KDM1A: variants seen among roughly 807,000 people sequenced by gnomAD.
KDM1A encodes lysine-specific histone demethylase 1A.
In KDM1A, 49 loss-of-function variants were observed where a neutral mutation model predicts 109.4. That is an observed-to-expected ratio of 0.45 (90% CI 0.36 to 0.57). The LOEUF is 0.57. KDM1A is among the 20% of genes least tolerant of loss of function. The pLI is 0.00. For missense variants in KDM1A, 668 were observed against 1,116.6 expected, an observed-to-expected ratio of 0.60 and a Z score of 5.73; for synonymous variants, 380 against 415.4, an observed-to-expected ratio of 0.91 and a Z score of 1.04.
intron 3 of KDM1A, among the ~76,000 whole-genome samples, chr1:23,049,170 A>AAG (rs1642589223): frequency 6.6e-6 from 1 of 150,810 alleles, no homozygotes; most frequent in Admixed American, 6.6e-5. Flanking sequence ...AAAAAAAAAA[A>AAG]AAAAAATTAT....
intron 4 of KDM1A, among the ~76,000 whole-genome samples, chr1:23,053,293 C>T (rs1356352030): frequency 6.6e-6 from 1 of 152,136 alleles, no homozygotes. Context: ...GCTTTGTGTT[C>T]ATCAGTTTCT....
At chr1:23,025,589 C>A (rs1381529841) in intron 1 of KDM1A, among the ~76,000 whole-genome samples, 1 of 152,002 alleles carries the variant, frequency 6.6e-6, no homozygotes, top group African/African-American at 2.4e-5. Flanking sequence ...CTCGGCCTCC[C>A]AAAGTGCTGG....
At chr1:23,068,457 T>C in intron 10 of KDM1A, 82 bp from the exon 11 acceptor site, 1 of 1,187,258 alleles carries the variant, frequency 8.4e-7, no homozygotes. Flanking sequence ...TTGACCTTTA[T>C]AAACTATAGA....
chr1:23,072,000 A>G, intron 13 of KDM1A, 124 bp from the exon 14 acceptor site: 1 of 634,670 alleles, frequency 1.6e-6, no homozygotes, highest in Non-Finnish European at 2.8e-6. Flanking sequence ...CCTAAAATTG[A>G]GCCACACTTC....
At chr1:23,030,964 A>G (rs959408489) in intron 2 of KDM1A, among the ~76,000 whole-genome samples, 2 of 152,214 alleles carry the variant, frequency 1.3e-5, no homozygotes, top group Non-Finnish European at 2.9e-5. Flanking sequence ...GAAAAAACAT[A>G]CAGAAAGCCA....
At chr1:23,045,530 T>C (rs1642477850) in intron 3 of KDM1A, among the ~76,000 whole-genome samples, 1 of 152,206 alleles carries the variant, frequency 6.6e-6, no homozygotes, top group Non-Finnish European at 1.5e-5. Flanking sequence ...AGAGTCTAGA[T>C]CTGTGGCATA....
At chr1:23,050,193 C>T (rs1389706403) in intron 3 of KDM1A, among the ~76,000 whole-genome samples, 194 bp from the exon 4 acceptor site, 2 of 152,164 alleles carry the variant, frequency 1.3e-5, no homozygotes, top group Non-Finnish European at 2.9e-5. Flanking sequence ...AGTTGTTTCA[C>T]TCAGTAAAGT....
At chr1:23,049,510 C>T (rs1642600767) in intron 3 of KDM1A, among the ~76,000 whole-genome samples, 1 of 151,420 alleles carries the variant, frequency 6.6e-6, no homozygotes, top group African/African-American at 2.4e-5. Flanking sequence ...ATGGTGAAGC[C>T]CCGTCTCTAC....
chr1:23,078,425 A>G (rs1230557551), intron 16 of KDM1A, among the ~76,000 whole-genome samples: 1 of 152,190 alleles, frequency 6.6e-6, no homozygotes, highest in Non-Finnish European at 1.5e-5. Context: ...CAAACGAGGA[A>G]AACGATGTTA....
Position 23,032,390 on chromosome 1 carries a change from G to A in KDM1A, c.517+1756G>A, listed in dbSNP as rs997511. Among the ~76,000 whole-genome samples, 479 of 150,760 alleles carry A rather than the reference G, an allele frequency of 3.2e-3. 2 individuals carry two copies. The highest frequency in any genetic ancestry group is 0.011 in the African/African-American group (462 of 41,024). On this transcript the variant is annotated intron_variant, in intron 2 of 20. Transcript: ENST00000400181. ...TTTTTTTTAATTTCATAAACGTCAG[G>A]TATTGTTCCCACAAAAAGTAAACGT... is the stretch of plus-strand genomic sequence containing the variant.
intron 5 of KDM1A, among the ~76,000 whole-genome samples, chr1:23,054,606 T>C (rs534817837): frequency 5.3e-5 from 8 of 152,240 alleles, no homozygotes; most frequent in African/African-American, 1.9e-4. Flanking sequence ...GCTAATTCTT[T>C]GTTTTTTTGT....
Position 23,081,432 on chromosome 1 carries a change from T to C in KDM1A, c.2171-14T>C. ...TGTAGGAAAACCCTAGAATTATCCTTTCTGTTTCCCCAGCTCCAATACTGT... is the reference window on the plus strand; with the variant it reads ...TGTAGGAAAACCCTAGAATTATCCTCTCTGTTTCCCCAGCTCCAATACTGT... On this transcript the variant is annotated splice_polypyrimidine_tract_variant and intron_variant, in intron 18 of 20. Coordinates refer to ENST00000400181, the MANE Select transcript of KDM1A (RefSeq NM_001009999.3). The C allele has an allele frequency of 6.2e-7, 1 of 1,613,880 alleles. No individual in the cohort carries two copies. The highest frequency in any genetic ancestry group is 8.5e-7 in the Non-Finnish European group (1 of 1,179,812).
intron 3 of KDM1A, among the ~76,000 whole-genome samples, chr1:23,049,801 T>C (rs554408604): frequency 6.6e-6 from 1 of 152,168 alleles, no homozygotes; most frequent in Non-Finnish European, 1.5e-5. Context: ...TAGTAAAGCA[T>C]TTCTAATGTT....
chr1:23,057,811 T>C (rs1319138876), intron 8 of KDM1A: 1 of 286,776 alleles, frequency 3.5e-6, no homozygotes, highest in African/African-American at 2.3e-5. Context: ...TTTTTTTTTT[T>C]TTTTTTTTGT....
At position 23,083,506 on chromosome 1, in the gene KDM1A, A is replaced by G; in HGVS notation, c.*142A>G. On this transcript the variant is annotated 3_prime_UTR_variant, in exon 21 of 21. Transcript: ENST00000400181. Reference sequence around the variant, plus strand: ...CAGCTGATGGAGCTCCTGATTTGACAAAGGAGCTTGCCTCCTTTGAATGAC... The same window carrying G: ...CAGCTGATGGAGCTCCTGATTTGACGAAGGAGCTTGCCTCCTTTGAATGAC... 1.3e-6 allele frequency: 1 copy of G among 763,120 alleles called. No individual in the cohort carries two copies. Among genetic ancestry groups the G allele is most frequent in the Non-Finnish European group, 2.0e-6 (1 of 497,656 alleles). The allele number at this position is 763,120 out of a possible 1,614,324, so 47.3% of individuals were successfully genotyped here. A position where few individuals can be genotyped will look rare whatever the true frequency, so the allele number is the denominator to read the frequency against.
At chr1:23,076,645 G>A (rs956213737) in intron 15 of KDM1A, among the ~76,000 whole-genome samples, 2 of 151,992 alleles carry the variant, frequency 1.3e-5, no homozygotes, top group Non-Finnish European at 2.9e-5. Flanking sequence ...TAGAAGATCC[G>A]GACTTAGTGG....
intron 1 of KDM1A, among the ~76,000 whole-genome samples, chr1:23,027,586 C>A (rs1451228191): frequency 6.7e-6 from 1 of 148,634 alleles, no homozygotes; most frequent in Non-Finnish European, 1.5e-5. Flanking sequence ...CCACACCAGG[C>A]TAAGTTGTTT....
chr1:23,044,224 A>G (rs1192692758), intron 2 of KDM1A: 4 of 513,640 alleles, frequency 7.8e-6, no homozygotes, highest in Non-Finnish European at 1.1e-5. Context: ...AAGAATCAAC[A>G]TGTAAAGTTG....
chr1:23,062,404 C>G (rs1643025849), intron 9 of KDM1A, among the ~76,000 whole-genome samples: 1 of 152,178 alleles, frequency 6.6e-6, no homozygotes, highest in African/African-American at 2.4e-5. Flanking sequence ...AAATGGGGTT[C>G]TGTTTCTCCA....
Sources: gnomAD v4.1 joint callset for allele counts (sites outside exome capture counted in the v4.1 genomes callset) on GRCh38, gnomAD v4.1.1 for gene constraint, MANE v1.5 for transcripts, NCBI Gene and HGNC (gene_info 2026-07-23, HGNC 2026-07-21) for gene names.